RBM28: variants seen among roughly 807,000 people sequenced by gnomAD.
The protein encoded by RBM28 is RNA binding motif protein 28.
RBM28 carries 78 observed loss-of-function variants against 98.3 expected under a neutral mutation model. That is an observed-to-expected ratio of 0.79 (90% CI 0.66 to 0.96). RBM28 has a LOEUF of 0.96. Among genes scored for constraint, RBM28 ranks in the 40% least tolerant of loss-of-function variants. The probability of loss-of-function intolerance (pLI) is 0.00; values close to 1 mark genes in which losing one functional copy is unlikely to be tolerated. For missense variants in RBM28, 838 were observed against 913.0 expected (o/e 0.92, Z 1.06); for synonymous variants, 306 against 330.9 (o/e 0.92, Z 0.82).
At position 128,318,000 on chromosome 7, in the gene RBM28, A is replaced by G. The variant is rs1240063345; in HGVS notation, c.1670T>C (p.Leu557Pro). 6.2e-7 allele frequency: 1 copy of G among 1,614,168 alleles called. No individual in the cohort carries two copies. The highest frequency in any genetic ancestry group is 1.1e-5 in the South Asian group (1 of 91,084). The change falls in exon 15 of 19, where the codon CTC becomes CCC. Residue 557 changes from leucine to proline, a missense_variant. Transcript: ENST00000223073. ...FQEHEHALKA[L>P]RLINNNPEIF... The stretch of plus-strand genomic sequence containing the variant: ...TTCTGGATTGTTGTTGATGAGGCGG[A>G]GGGCTTTCAGGGCATGCTCGTGCTC...
At position 128,314,901 on chromosome 7, in the gene RBM28, TG is replaced by T; in HGVS notation, c.1907del (p.Pro636GlnfsTer54). On this transcript the variant is annotated frameshift_variant, in exon 17 of 19. Coordinates refer to ENST00000223073, the MANE Select transcript of RBM28 (RefSeq NM_018077.3). LOFTEE classifies it high-confidence loss of function. ...HHTEEQSKVP[P>X]EQKRKAGSTS... ...TAGAGCCCGCCTTTCTCTTCTGCTC[TG>T]GGGGCACCTTGCTTTGTTCCTCTGT... 3 of 1,614,194 alleles carry T rather than the reference TG, an allele frequency of 1.9e-6. No homozygotes were observed. Among genetic ancestry groups the T allele is most frequent in the Non-Finnish European group, 2.5e-6 (3 of 1,180,034 alleles).
At chr7:128,321,137 G>A (rs1325520699) in intron 14 of RBM28, 129 bp downstream of exon 14, 2 of 1,308,732 alleles carry the variant, frequency 1.5e-6, no homozygotes, top group East Asian at 4.7e-5. Context: ...CTGCACTACA[G>A]CCTGGGCAAC....
At chr7:128,327,515 T>C (rs909237211) in intron 10 of RBM28, among the ~76,000 whole-genome samples, 1 of 152,190 alleles carries the variant, frequency 6.6e-6, no homozygotes, top group African/African-American at 2.4e-5. Context: ...TTTTTTTTTT[T>C]TTGAGACGGA....
At chr7:128,327,692 G>A (rs1470764183) in intron 10 of RBM28, among the ~76,000 whole-genome samples, 1 of 151,966 alleles carries the variant, frequency 6.6e-6, no homozygotes, top group East Asian at 1.9e-4. Context: ...TAGAGACAGG[G>A]TTTCTCCATG....
chr7:128,333,934 T>G (rs1796540272), intron 8 of RBM28, among the ~76,000 whole-genome samples: 1 of 152,188 alleles, frequency 6.6e-6, no homozygotes, highest in Non-Finnish European at 1.5e-5. Flanking sequence ...AGTGTAAACT[T>G]TCTGGAAATA....
Position 128,298,581 on chromosome 7 carries a change from C to CT in RBM28, c.*12215_*12216insA, listed in dbSNP as rs1795739197. ...TGAACGGATTTATTTTCAAATGCCC[C>CT]CCATTGCTCTTCTTTAAATATACAG... On this transcript the variant is annotated 3_prime_UTR_variant, in exon 19 of 19. Coordinates refer to ENST00000223073, the MANE Select transcript of RBM28 (RefSeq NM_018077.3). 6.6e-6 allele frequency: 1 copy of CT among 151,244 alleles called. No individual in the cohort carries two copies. Among genetic ancestry groups the CT allele is most frequent in the Non-Finnish European group, 1.5e-5 (1 of 67,902 alleles). The allele number at this position is 151,244 out of a possible 1,614,324, so 9.4% of individuals were successfully genotyped here. A position where few individuals can be genotyped will look rare whatever the true frequency, so the allele number is the denominator to read the frequency against.
At chr7:128,323,456 G>A (rs1796279625) in intron 13 of RBM28, 71 bp downstream of exon 13, 2 of 1,555,552 alleles carry the variant, frequency 1.3e-6, no homozygotes, top group Middle Eastern at 1.7e-4. Flanking sequence ...AGCACATCTA[G>A]CATTCGATAA....
At chr7:128,315,279 A>G (rs1452689693) in intron 16 of RBM28, among the ~76,000 whole-genome samples, 1 of 152,220 alleles carries the variant, frequency 6.6e-6, no homozygotes, top group African/African-American at 2.4e-5. Context: ...CCAAAATTCA[A>G]AAGTCAGTAG....
intron 14 of RBM28, among the ~76,000 whole-genome samples, chr7:128,319,439 C>T (rs1796174778): frequency 6.6e-6 from 1 of 152,202 alleles, no homozygotes; most frequent in Admixed American, 6.5e-5. Context: ...CTGTCCCTCC[C>T]CTATAACCAG....
chr7:128,309,523 CT>C lies in RBM28; in HGVS notation c.*1273del, dbSNP rs1795934137. On this transcript the variant is annotated 3_prime_UTR_variant, in exon 19 of 19. Transcript: ENST00000223073. Reference sequence around the variant, plus strand: ...TGGCGTGCACCTGTAGTCCCAGCTACTTGGGAGGGTGAGGCGGGAAAGTCGC... The same window carrying C: ...TGGCGTGCACCTGTAGTCCCAGCTACTGGGAGGGTGAGGCGGGAAAGTCGC... The C allele has an allele frequency of 6.6e-6, 1 of 151,426 alleles. No individual in the cohort carries two copies. The highest frequency in any genetic ancestry group is 6.6e-5 in the Admixed American group (1 of 15,180). 9.4% of individuals were successfully genotyped at this position (151,426 alleles called of 1,614,324 possible).
intron 1 of RBM28, among the ~76,000 whole-genome samples, chr7:128,340,940 C>A (rs1396241404): frequency 6.6e-6 from 1 of 152,206 alleles, no homozygotes. Flanking sequence ...TCCTCACCAG[C>A]CCCCATGTTC....
At chr7:128,315,654 GA>G (rs1215304590) in intron 16 of RBM28, among the ~76,000 whole-genome samples, 6 of 151,964 alleles carry the variant, frequency 3.9e-5, no homozygotes, top group African/African-American at 1.2e-4. Flanking sequence ...CTTCTCTTCA[GA>G]AACCATGTAA....
Position 128,306,711 on chromosome 7 carries a change from G to C in RBM28, c.*4086C>G, listed in dbSNP as rs941992903. The C allele has an allele frequency of 6.6e-6, 1 of 152,182 alleles. No homozygotes were observed. The highest frequency in any genetic ancestry group is 1.5e-5 in the Non-Finnish European group (1 of 68,066). The allele number at this position is 152,182 out of a possible 1,614,324, so 9.4% of individuals were successfully genotyped here. On this transcript the variant is annotated 3_prime_UTR_variant, in exon 19 of 19. Coordinates refer to ENST00000223073, the MANE Select transcript of RBM28 (RefSeq NM_018077.3). ...CTATCAAGATGCTCCATTTAGGGGT[G>C]GTCCAAAAGGTCTTTCAGTAACTCA...
chr7:128,317,609 A>G, intron 16 of RBM28, 50 bp downstream of exon 16: 1 of 1,397,840 alleles, frequency 7.2e-7, no homozygotes, highest in Non-Finnish European at 1.0e-6. Flanking sequence ...AAATTGAACA[A>G]AATAGAAGAG....
Position 128,306,564 on chromosome 7 carries a change from T to C in RBM28, c.*4233A>G, listed in dbSNP as rs1166229153. 1 of 152,198 alleles carries C rather than the reference T, an allele frequency of 6.6e-6. No individual in the cohort carries two copies. Among genetic ancestry groups the C allele is most frequent in the African/African-American group, 2.4e-5 (1 of 41,444 alleles). 9.4% of individuals were successfully genotyped at this position (152,198 alleles called of 1,614,324 possible). On this transcript the variant is annotated 3_prime_UTR_variant, in exon 19 of 19. Transcript: ENST00000223073. ...TTAAAGGACAAGAAATGATTTTCCC[T>C]TTATCAAATGTCCAGGGAAGGAAAC... is the stretch of plus-strand genomic sequence containing the variant.
chr7:128,341,252 T>G, intron 1 of RBM28: 14 of 1,164,406 alleles, frequency 1.2e-5, no homozygotes, highest in Non-Finnish European at 1.6e-5. Context: ...AATTTTTCTC[T>G]TCTCTTGAAC....
At chr7:128,317,827 C>A in intron 15 of RBM28, 94 bp from the exon 16 acceptor site, 1 of 1,514,270 alleles carries the variant, frequency 6.6e-7, no homozygotes, top group Non-Finnish European at 9.1e-7. Flanking sequence ...TCCCCCAACC[C>A]ACCTTTTTTT....
In RBM28 at chr7:128,337,562, C is replaced by CTTTTT. The variant is rs57902037; in HGVS notation, c.542-365_542-361dup. On this transcript the variant is annotated intron_variant, in intron 5 of 18. Transcript: ENST00000223073. ...TAGGACATCTCTACGGCAATAACTT[C>CTTTTT]TTTTTTTTTTTTTTGAGACACAGTC... 1.7e-3 allele frequency among the ~76,000 whole-genome samples: 244 copies of CTTTTT among 139,792 alleles called. 12 individuals carry two copies. The highest frequency in any genetic ancestry group is 2.9e-3 in the East Asian group (14 of 4,786). The allele number at this position is 139,792 out of a possible 152,430, so 91.7% of individuals were successfully genotyped here.
intron 15 of RBM28, 58 bp downstream of exon 15, chr7:128,317,899 G>C: frequency 6.3e-7 from 1 of 1,598,116 alleles, no homozygotes; most frequent in Admixed American, 1.7e-5. Flanking sequence ...TAAAGGAGAA[G>C]GCTGGTTTCC....
Sources: allele counts gnomAD v4.1 joint callset (sites outside exome capture counted in the v4.1 genomes callset), GRCh38; gene constraint gnomAD v4.1.1; transcripts MANE v1.5; gene names NCBI Gene and HGNC (gene_info 2026-07-23, HGNC 2026-07-21).